Variants in SLC35F4 observed in about 807,000 individuals in gnomAD.
SLC35F4 encodes the protein chromosome 14 open reading frame 36.
A neutral mutation model predicts 44.2 loss-of-function variants in SLC35F4; 24 were observed. The ratio of observed to expected loss-of-function variants is 0.54; its 90% confidence interval spans 0.39 to 0.76. The LOEUF is 0.76. Ranked by LOEUF, SLC35F4 falls within the 30% of genes least tolerant of loss-of-function variation. The pLI, the probability that SLC35F4 is intolerant of heterozygous loss-of-function variation, is 0.00. For synonymous variants in SLC35F4, 238 were observed against 223.6 expected, an observed-to-expected ratio of 1.06 and a Z score of -0.57; for missense variants, 562 against 586.1, an observed-to-expected ratio of 0.96 and a Z score of 0.42.
chr14:57,873,665 G>T (rs1290421038), intron 1 of SLC35F4, among the ~76,000 whole-genome samples: 1 of 152,114 alleles, frequency 6.6e-6, no homozygotes, highest in African/African-American at 2.4e-5. Context: ...GTGATAAGAG[G>T]AGTGAAATTA....
intron 1 of SLC35F4, among the ~76,000 whole-genome samples, chr14:57,969,792 C>T (rs1881001127): frequency 6.6e-6 from 1 of 152,090 alleles, no homozygotes; most frequent in Non-Finnish European, 1.5e-5. Flanking sequence ...ATTTTTCCTT[C>T]TTTTGAATTA....
intron 1 of SLC35F4, among the ~76,000 whole-genome samples, chr14:57,757,158 C>A (rs2077013642): frequency 1.3e-5 from 2 of 152,106 alleles, no homozygotes; most frequent in South Asian, 4.1e-4. Context: ...CCTGCTTTAT[C>A]TCTGGTGTTA....
At chr14:57,644,908 T>G (rs191086681) in intron 1 of SLC35F4, among the ~76,000 whole-genome samples, 20,256 of 152,148 alleles carry the variant, frequency 0.13, 1,608 homozygotes, top group East Asian at 0.22. Flanking sequence ...TTTTGTCAGG[T>G]TTGTCAAAGA....
intron 4 of SLC35F4, chr14:57,579,481 T>A (rs1271012520): frequency 2.0e-5 from 3 of 152,208 alleles, no homozygotes; most frequent in Non-Finnish European, 2.9e-5. Flanking sequence ...TGTGCTCATT[T>A]GCTTTAATAC....
At chr14:57,851,955 G>A (rs1283760607) in intron 1 of SLC35F4, among the ~76,000 whole-genome samples, 1 of 152,108 alleles carries the variant, frequency 6.6e-6, no homozygotes, top group Non-Finnish European at 1.5e-5. Flanking sequence ...GAAAAAAGAA[G>A]CCTATTTGAT....
chr14:57,846,198 C>T (rs1045574914), intron 1 of SLC35F4, among the ~76,000 whole-genome samples: 15 of 152,146 alleles, frequency 9.9e-5, no homozygotes, highest in Non-Finnish European at 2.2e-4. Flanking sequence ...TGAAATAAGG[C>T]CCCCAAAAGA....
At chr14:57,975,572 A>G (rs868522189), downstream of SLC35F4, among the ~76,000 whole-genome samples, 5 of 152,326 alleles carry the variant, frequency 3.3e-5, no homozygotes, top group African/African-American at 1.2e-4. Flanking sequence ...GCTTTGGCAG[A>G]GTGTTAAGGA....
intron 1 of SLC35F4, among the ~76,000 whole-genome samples, chr14:57,842,509 G>T (rs1419507179): frequency 6.6e-6 from 1 of 152,110 alleles, no homozygotes; most frequent in African/African-American, 2.4e-5. Flanking sequence ...CCAGACATGG[G>T]AGGGAGAGAG....
intron 1 of SLC35F4, chr14:57,595,746 C>T (rs561117865): frequency 6.6e-6 from 1 of 152,134 alleles, no homozygotes. Flanking sequence ...TTTGATTTGT[C>T]CCCATTCTTT....
intron 1 of SLC35F4, among the ~76,000 whole-genome samples, chr14:57,815,322 C>T (rs769895017): frequency 6.6e-5 from 10 of 152,120 alleles, no homozygotes; most frequent in East Asian, 3.9e-4. Context: ...CTTGAATTGT[C>T]GACATGATGC....
chr14:57,850,533 A>G (rs1291876051), intron 1 of SLC35F4, among the ~76,000 whole-genome samples: 1 of 152,212 alleles, frequency 6.6e-6, no homozygotes, highest in East Asian at 1.9e-4. Context: ...CACTTTTGAG[A>G]AAAAAAGGAA....
intron 1 of SLC35F4, among the ~76,000 whole-genome samples, chr14:57,640,684 T>C (rs1271179976): frequency 6.6e-6 from 1 of 152,156 alleles, no homozygotes; most frequent in East Asian, 1.9e-4. Flanking sequence ...ACAGCAAGTA[T>C]AGTCACACAG....
At position 57,865,795 on chromosome 14, in the gene SLC35F4, C is replaced by A. The variant is rs1422810048; in HGVS notation, c.31G>T (p.Ala11Ser). 9 of 1,520,684 alleles carry A rather than the reference C, an allele frequency of 5.9e-6. No individual in the cohort carries two copies. Among genetic ancestry groups the A allele is most frequent in the Non-Finnish European group, 7.0e-6 (8 of 1,140,698 alleles). 94.2% of individuals were successfully genotyped at this position (1,520,684 alleles called of 1,614,324 possible). Residue 11 changes from alanine (A) to serine (S), a missense_variant, in exon 1 of 8, where the codon GCC (alanine) becomes TCC (serine). Physicochemically the swap from Ala to Ser is moderately conservative, Grantham distance 99. Transcript: ENST00000556826. MDVKAAPNGVATIEDRILRIT... is the reference protein window; with the variant it reads MDVKAAPNGVSTIEDRILRIT... ...CGCAGGATCCGGTCCTCGATAGTGG[C>A]CACCCCGTTGGGGGCCGCCTTGACA...
intron 1 of SLC35F4, among the ~76,000 whole-genome samples, chr14:57,676,533 T>C (rs2074699530): frequency 6.6e-6 from 1 of 152,110 alleles, no homozygotes; most frequent in African/African-American, 2.4e-5. Context: ...TATTTACCTA[T>C]GTAACAAACT....
At chr14:57,708,879 C>A (rs890569346) in intron 1 of SLC35F4, among the ~76,000 whole-genome samples, 1 of 152,140 alleles carries the variant, frequency 6.6e-6, no homozygotes, top group African/African-American at 2.4e-5. Flanking sequence ...ACAGGGGGCC[C>A]TTCCCTGCCT....
rs932556139 is a variant in SLC35F4 at position 57,818,855 on chromosome 14, A to G, written c.103+46868T>C. On this transcript the variant is annotated intron_variant, in intron 1 of 7. Coordinates refer to ENST00000556826, the MANE Select transcript of SLC35F4 (RefSeq NM_001306087.2). ...TGTTTCAATAACCCTGCTGTTTTAC[A>G]TTTGTCATAGGTTGCAGCAATTCTG... 1.3e-5 allele frequency among the ~76,000 whole-genome samples: 2 copies of G among 152,196 alleles called. 1 individual carries two copies. Among genetic ancestry groups the G allele is most frequent in the South Asian group, 4.1e-4 (2 of 4,830 alleles).
intron 1 of SLC35F4, among the ~76,000 whole-genome samples, chr14:57,829,021 A>C (rs1171718147): frequency 6.6e-6 from 1 of 152,210 alleles, no homozygotes; most frequent in African/African-American, 2.4e-5. Flanking sequence ...CACTATGCAC[A>C]TGCTTATTAG....
chr14:57,575,852 T>G (rs1236032619), intron 4 of SLC35F4, among the ~76,000 whole-genome samples: 1 of 152,190 alleles, frequency 6.6e-6, no homozygotes, highest in East Asian at 1.9e-4. Flanking sequence ...CCAGTGGACA[T>G]TTGGTGATCT....
Position 57,646,917 on chromosome 14 carries a change from T to C in SLC35F4, c.104-52793A>G, listed in dbSNP as rs193076826. Among the ~76,000 whole-genome samples, 1,329 of 152,318 alleles carry C rather than the reference T, an allele frequency of 8.7e-3. 21 individuals are homozygous for C. The highest frequency in any genetic ancestry group is 0.015 in the South Asian group (71 of 4,830). ...TCAGGAGCAGGTTGTTCAGTTTCCA[T>C]GTAGTTGAGCGGTTTTGAGTGAGTT... On this transcript the variant is annotated intron_variant, in intron 1 of 7. Coordinates refer to ENST00000556826, the MANE Select transcript of SLC35F4 (RefSeq NM_001306087.2).
Sources: allele counts gnomAD v4.1 joint callset (sites outside exome capture counted in the v4.1 genomes callset), GRCh38; gene constraint gnomAD v4.1.1; transcripts MANE v1.5; gene names NCBI Gene and HGNC (gene_info 2026-07-23, HGNC 2026-07-21).